OTOF: variants seen among roughly 807,000 people sequenced by gnomAD.
The protein encoded by OTOF is fer-1-like family member 2.
A neutral mutation model predicts 236.8 loss-of-function variants in OTOF; 218 were observed. That is an observed-to-expected ratio of 0.92 (90% confidence interval 0.82 to 1.03). OTOF has a LOEUF of 1.03. Among genes scored for constraint, OTOF ranks in the 50% least tolerant of loss-of-function variants. OTOF has a pLI of 0.00. For missense variants in OTOF, 2,590 were observed against 2,694.4 expected (o/e 0.96, Z 0.86); for synonymous variants, 1,041 against 1,072.5 (o/e 0.97, Z 0.57).
chr2:26,481,036 G>T (rs113843435), intron 14 of OTOF, 27 bp from the exon 15 acceptor site: 1 of 1,558,224 alleles, frequency 6.4e-7, no homozygotes, highest in Non-Finnish European at 8.8e-7. Flanking sequence ...AAAAATGAGG[G>T]GGCAGCGTCA....
In OTOF at chr2:26,502,343, G is replaced by C. The variant is rs1666135811; in HGVS notation, c.667C>G (p.Leu223Val). The change falls in exon 7 of 47, where the codon CTA (leucine) becomes GTA (valine). Residue 223 changes from leucine (L) to valine (V), a missense_variant. Coordinates refer to ENST00000272371, the MANE Select transcript of OTOF (RefSeq NM_194248.3). Reference sequence around the variant, plus strand: ...GTGGTGAGAGCTGTGACTGAGGCTAGAGACACCGAGTCGGGATCCAGTCCA... The same window carrying C: ...GTGGTGAGAGCTGTGACTGAGGCTACAGACACCGAGTCGGGATCCAGTCCA... ...GDGLDPDSVS[L>V]ASVTALTTNV... The C allele has an allele frequency of 3.7e-6, 6 of 1,613,968 alleles. No individual in the cohort carries two copies. In the South Asian group the frequency reaches 6.6e-5, roughly 18 times the overall value.
chr2:26,514,586 A>G (rs1386579719), intron 5 of OTOF, among the ~76,000 whole-genome samples: 1 of 152,170 alleles, frequency 6.6e-6, no homozygotes, highest in Non-Finnish European at 1.5e-5. Flanking sequence ...GTTGTTTCCC[A>G]TGGATGTGAC....
chr2:26,463,127 C>T (rs1385512089), intron 41 of OTOF, among the ~76,000 whole-genome samples: 1 of 151,892 alleles, frequency 6.6e-6, no homozygotes, highest in East Asian at 1.9e-4. Flanking sequence ...TGTGGGTGTC[C>T]GTGGGAGTGC....
At chr2:26,466,504 T>G (rs1365370007) in intron 36 of OTOF, among the ~76,000 whole-genome samples, 1 of 152,160 alleles carries the variant, frequency 6.6e-6, no homozygotes, top group Non-Finnish European at 1.5e-5. Flanking sequence ...GCCTGGCTAA[T>G]TTTTGTATTT....
In OTOF at chr2:26,473,589, G is replaced by T; in HGVS notation, c.3409-22C>A. On this transcript the variant is annotated intron_variant, in intron 27 of 46. Coordinates refer to ENST00000272371, the MANE Select transcript of OTOF (RefSeq NM_194248.3). The surrounding 1 kb of genome is among the most constrained non-coding windows in gnomAD (Gnocchi z 7.2). ...GCACCTGGGAGAGGTTGGAGGGTGG[G>T]TGCAGAGAAGAGAGCCCCTTAGTCA... 3 of 1,586,214 alleles carry T rather than the reference G, an allele frequency of 1.9e-6. No homozygotes were observed. The highest frequency in any genetic ancestry group is 2.6e-6 in the Non-Finnish European group (3 of 1,170,286).
intron 3 of OTOF, among the ~76,000 whole-genome samples, chr2:26,524,805 G>A (rs185784249): frequency 6.6e-6 from 1 of 152,342 alleles, no homozygotes; most frequent in Admixed American, 6.5e-5. Flanking sequence ...CTCTACCATT[G>A]TCTACCCATG....
chr2:26,494,830 T>C (rs1347839988), intron 9 of OTOF, 112 bp downstream of exon 9: 7 of 1,260,084 alleles, frequency 5.6e-6, no homozygotes, highest in Non-Finnish European at 8.1e-6. Flanking sequence ...TCACCCCTGC[T>C]GGTAGCCCTG....
chr2:26,478,853 C>T (rs1055001227), intron 18 of OTOF, among the ~76,000 whole-genome samples: 1 of 152,202 alleles, frequency 6.6e-6, no homozygotes, highest in South Asian at 2.1e-4. Context: ...TGCCCGCCAC[C>T]AAGCCCCGCT....
chr2:26,510,464 C>T (rs894894884), intron 5 of OTOF, among the ~76,000 whole-genome samples: 3 of 152,040 alleles, frequency 2.0e-5, no homozygotes, highest in African/African-American at 7.2e-5. Flanking sequence ...CCCCCGAGAG[C>T]CCAGAGTGGA....
chr2:26,479,565 C>T lies in OTOF; in HGVS notation c.2001G>A (p.Leu667=). The T allele has an allele frequency of 6.2e-7, 1 of 1,612,722 alleles. No individual in the cohort carries two copies. The highest frequency in any genetic ancestry group is 8.5e-7 in the Non-Finnish European group (1 of 1,179,966). Residue 667 remains leucine, a synonymous_variant, in exon 17 of 47, where the codon CTG becomes CTA. Transcript: ENST00000272371. ...KEPGDEEEVD[L]IQNASDDEAG... is the part of the protein sequence containing the mutation. ...CCTCGTCATCACTTGCGTTCTGAAT[C>T]AGGTCTACTTCTTCCTCATCCCCCG...
chr2:26,485,665 C>G (rs1466919601), intron 11 of OTOF, among the ~76,000 whole-genome samples: 1 of 152,240 alleles, frequency 6.6e-6, no homozygotes, highest in Non-Finnish European at 1.5e-5. Flanking sequence ...AGGGACTCAG[C>G]ACCTCCCTCC....
rs769850358 is a variant in OTOF, at chr2:26,516,557, TGCC to T, written c.367_369del (p.Gly123del). On this transcript the variant is annotated inframe_deletion, in exon 5 of 47. Coordinates refer to ENST00000272371, the MANE Select transcript of OTOF (RefSeq NM_194248.3). ...TCCCCATCGTCCCAGGAGCCCACTGTGCCGTCAGTGGCCTGATACCGGACCTCC... is the reference window on the plus strand; with the variant it reads ...TCCCCATCGTCCCAGGAGCCCACTGTGTCAGTGGCCTGATACCGGACCTCC... 1 of 1,610,930 alleles carries T rather than the reference TGCC, an allele frequency of 6.2e-7. No individual in the cohort carries two copies. Among genetic ancestry groups the T allele is most frequent in the Non-Finnish European group, 8.5e-7 (1 of 1,179,982 alleles).
chr2:26,481,141 G>T (rs868146212), intron 14 of OTOF, 132 bp from the exon 15 acceptor site: 2 of 678,574 alleles, frequency 2.9e-6, no homozygotes, highest in Admixed American at 4.4e-5. Context: ...TGCCATTCAG[G>T]TGTGGGGCAG....
Position 26,495,004 on chromosome 2 carries a change from C to A in OTOF, c.835G>T (p.Val279Leu). 1 of 1,614,154 alleles carries A rather than the reference C, an allele frequency of 6.2e-7. No homozygotes were observed. Among genetic ancestry groups the A allele is most frequent in the Non-Finnish European group, 8.5e-7 (1 of 1,179,986 alleles). ...GATGTGTACTTCTTGTCGTCACCCA[C>A]CTCCACGCACACCACAGGGTCCATG... Reference protein sequence around the residue: ...LNMDPVVCVEVGDDKKYTSMK... With the variant: ...LNMDPVVCVELGDDKKYTSMK... The change falls in exon 9 of 47, where the codon GTG becomes TTG. Residue 279 changes from valine to leucine, a missense_variant. By Grantham distance (32) the Val-to-Leu change is conservative (BLOSUM62 1). Coordinates refer to ENST00000272371, the MANE Select transcript of OTOF (RefSeq NM_194248.3).
intron 1 of OTOF, among the ~76,000 whole-genome samples, chr2:26,552,779 C>CA (rs779440448): frequency 1.3e-5 from 2 of 152,158 alleles, no homozygotes; most frequent in Non-Finnish European, 2.9e-5. Context: ...GGGGGCATAT[C>CA]CGTTAGGACT....
At chr2:26,504,915 A>G (rs531551934) in intron 5 of OTOF, among the ~76,000 whole-genome samples, 1 of 152,300 alleles carries the variant, frequency 6.6e-6, no homozygotes, top group African/African-American at 2.4e-5. Flanking sequence ...CTTACAGCAG[A>G]GTCCACCCTT....
intron 32 of OTOF, among the ~76,000 whole-genome samples, 164 bp from the exon 33 acceptor site, chr2:26,468,638 G>A (rs1009893836): frequency 2.0e-5 from 3 of 152,166 alleles, no homozygotes; most frequent in African/African-American, 4.8e-5. Flanking sequence ...GTTAAAAAAA[G>A]TTTATAATGT....
At chr2:26,497,527 A>G (rs903806153) in intron 8 of OTOF, among the ~76,000 whole-genome samples, 2 of 152,230 alleles carry the variant, frequency 1.3e-5, no homozygotes, top group African/African-American at 4.8e-5. Context: ...TCCATGAAAA[A>G]GAATAACCAC....
In OTOF at chr2:26,482,547, C is replaced by T. The variant is rs1178069041; in HGVS notation, c.1438G>A (p.Glu480Lys). The T allele has an allele frequency of 1.7e-5, 28 of 1,613,438 alleles. No individual in the cohort carries two copies. The highest frequency in any genetic ancestry group is 2.4e-5 in the Non-Finnish European group (28 of 1,180,004). ...AAGAGGTCTGTAAAGACGACCTGCTCATTCCACAGGGGCTCATAGCTGCTC... is the reference window on the plus strand; with the variant it reads ...AAGAGGTCTGTAAAGACGACCTGCTTATTCCACAGGGGCTCATAGCTGCTC... ...QKSSYEPLWN[E>K]QVVFTDLFPP... Residue 480 changes from glutamate (E) to lysine (K), a missense_variant, in exon 14 of 47, where the codon GAG (glutamate) becomes AAG (lysine). Around this residue, in one of 2 missense-constraint regions of OTOF, gnomAD observed 1,379 missense variants for 1,341.6 expected, o/e 1.03. Transcript: ENST00000272371.
Sources: gnomAD v4.1 joint callset for allele counts (sites outside exome capture counted in the v4.1 genomes callset) on GRCh38, gnomAD v4.1.1 for gene constraint, gnomAD v4.1.1 regional missense constraint, Gnocchi (gnomAD v3.1) non-coding constraint, MANE v1.5 for transcripts, NCBI Gene and HGNC (gene_info 2026-07-23, HGNC 2026-07-21) for gene names.